RANBP2: variants seen among roughly 807,000 people sequenced by gnomAD.
The protein encoded by RANBP2 is E3 SUMO-protein ligase RanBP2.
RANBP2 carries 57 observed loss-of-function variants against 303.6 expected under a neutral mutation model. That is an observed-to-expected ratio of 0.19 (90% CI 0.15 to 0.23). The LOEUF (loss-of-function observed/expected upper bound fraction) is 0.23, where lower values mean the gene tolerates loss of function less well. RANBP2 is among the 10% of genes least tolerant of loss of function. The probability of loss-of-function intolerance (pLI) is 1.00; values close to 1 mark genes in which losing one functional copy is unlikely to be tolerated. For missense variants in RANBP2, 3,138 were observed against 3,780.8 expected (o/e 0.83, Z 4.46); for synonymous variants, 1,167 against 1,301.5 (o/e 0.90, Z 2.23).
At chr2:109,565,874 C>T in the RANBP2 span, 15 of 1,601,440 alleles carry the variant, frequency 9.4e-6, no homozygotes, top group South Asian at 2.2e-5. Flanking sequence ...AAAAGAATAT[C>T]GAGCACATCT....
At chr2:108,816,099 T>C in the RANBP2 span, 1 of 1,598,578 alleles carries the variant, frequency 6.3e-7, no homozygotes, top group Non-Finnish European at 8.5e-7. Flanking sequence ...AGGAGAAGTG[T>C]GTAAAGGTTT....
At chr2:109,658,387 AGTG>A in the RANBP2 span, among the ~76,000 whole-genome samples, 4 of 152,086 alleles carry the variant, frequency 2.6e-5, no homozygotes, top group South Asian at 8.3e-4. Context: ...CAGAGGTTGT[AGTG>A]AGCCAAGATC....
At chr2:109,641,272 G>A in the RANBP2 span, among the ~76,000 whole-genome samples, 2 of 152,058 alleles carry the variant, frequency 1.3e-5, no homozygotes, top group African/African-American at 4.8e-5. Flanking sequence ...CCAAGTAGCT[G>A]GGATTACAGG....
At chr2:108,787,035 G>A (rs1202978504), downstream of RANBP2, 4 of 531,218 alleles carry the variant, frequency 7.5e-6, no homozygotes, top group South Asian at 8.6e-5. Flanking sequence ...CGGCACTCCC[G>A]CCGTGGCTGC....
chr2:109,564,516 C>A, the RANBP2 span: 20 of 1,521,272 alleles, frequency 1.3e-5, no homozygotes, highest in Non-Finnish European at 1.7e-5. Flanking sequence ...TACAAAGTCA[C>A]AGTGGTTTTC....
At chr2:108,991,302 G>A in the RANBP2 span, among the ~76,000 whole-genome samples, 3 of 152,200 alleles carry the variant, frequency 2.0e-5, no homozygotes, top group East Asian at 5.8e-4. Context: ...TCTTCATCAT[G>A]TAAAGCTCCA....
the RANBP2 span, among the ~76,000 whole-genome samples, chr2:108,990,349 T>C: frequency 6.9e-6 from 1 of 145,044 alleles, no homozygotes; most frequent in Non-Finnish European, 1.5e-5. Context: ...GAGAATGGCG[T>C]GAACCCGGGA....
chr2:109,144,380 A>G, the RANBP2 span, among the ~76,000 whole-genome samples: 4 of 152,316 alleles, frequency 2.6e-5, no homozygotes, highest in East Asian at 7.7e-4. Context: ...TAAAAAACAC[A>G]CAAAGCTGCC....
the RANBP2 span, among the ~76,000 whole-genome samples, chr2:109,391,440 G>T: frequency 1.3e-5 from 2 of 152,158 alleles, no homozygotes; most frequent in African/African-American, 4.8e-5. Flanking sequence ...CCATGGGCTC[G>T]GGCCTTCACT....
At chr2:108,838,892 A>G in the RANBP2 span, among the ~76,000 whole-genome samples, 1 of 152,160 alleles carries the variant, frequency 6.6e-6, no homozygotes. Flanking sequence ...TAATGGTTAC[A>G]TATATACTAT....
chr2:109,264,434 C>A, the RANBP2 span, among the ~76,000 whole-genome samples: 1 of 152,220 alleles, frequency 6.6e-6, no homozygotes, highest in Non-Finnish European at 1.5e-5. Flanking sequence ...CACGATCCAC[C>A]CCAAGTCTGT....
At chr2:109,278,830 C>T in the RANBP2 span, among the ~76,000 whole-genome samples, 23 of 152,258 alleles carry the variant, frequency 1.5e-4, no homozygotes, top group African/African-American at 4.3e-4. Flanking sequence ...CAAGGCAAAT[C>T]GTGGGGCTAA....
At chr2:108,736,971 A>G (rs826575) in intron 6 of RANBP2, among the ~76,000 whole-genome samples, 17,234 of 138,610 alleles carry the variant, frequency 0.12, 1,333 homozygotes, top group Middle Eastern at 0.15. Context: ...CAGAGATTGT[A>G]TGCCTGTAAA....
chr2:109,486,601 C>T, the RANBP2 span, among the ~76,000 whole-genome samples: 5 of 152,174 alleles, frequency 3.3e-5, no homozygotes, highest in Admixed American at 1.3e-4. Context: ...AGCAGCTCAG[C>T]GAGGCAGATG....
chr2:108,971,774 C>T, the RANBP2 span, among the ~76,000 whole-genome samples: 1 of 152,170 alleles, frequency 6.6e-6, no homozygotes, highest in Non-Finnish European at 1.5e-5. Flanking sequence ...TTGATACCAC[C>T]TTCAAAAGGT....
the RANBP2 span, among the ~76,000 whole-genome samples, chr2:109,373,095 C>G: frequency 6.6e-6 from 1 of 152,202 alleles, no homozygotes; most frequent in Non-Finnish European, 1.5e-5. Flanking sequence ...CCATCTGAGG[C>G]CCTCCCACAG....
the RANBP2 span, among the ~76,000 whole-genome samples, chr2:109,521,045 G>A: frequency 3.3e-5 from 5 of 150,180 alleles, no homozygotes; most frequent in Non-Finnish European, 5.9e-5. Context: ...GTGAAACCCC[G>A]TCTCTACTAA....
the RANBP2 span, among the ~76,000 whole-genome samples, chr2:109,467,000 G>C: frequency 6.6e-6 from 1 of 152,210 alleles, no homozygotes; most frequent in African/African-American, 2.4e-5. Context: ...AAGAGAGAAA[G>C]AGGCTGCATA....
chr2:108,957,603 TAAACGTGGG>T, the RANBP2 span, among the ~76,000 whole-genome samples: 1 of 152,232 alleles, frequency 6.6e-6, no homozygotes, highest in South Asian at 2.1e-4. Flanking sequence ...CACACCTGGA[TAAACGTGGG>T]TTAAGAGTAG....
Sources: gnomAD v4.1 joint callset for allele counts (sites outside exome capture counted in the v4.1 genomes callset) on GRCh38, gnomAD v4.1.1 for gene constraint, MANE v1.5 for transcripts, NCBI Gene and HGNC (gene_info 2026-07-23, HGNC 2026-07-21) for gene names.